DIP2A: variants seen among roughly 807,000 people sequenced by gnomAD.
DIP2A encodes the protein disco-interacting protein 2 homolog A.
Under a neutral mutation model 177.4 loss-of-function variants are expected in DIP2A, and 85 were observed. That is an observed-to-expected ratio of 0.48 (90% CI 0.40 to 0.57). The LOEUF (loss-of-function observed/expected upper bound fraction) is 0.57, where lower values mean the gene tolerates loss of function less well. Among genes scored for constraint, DIP2A ranks in the 20% least tolerant of loss-of-function variants. DIP2A has a pLI of 0.00. For missense variants in DIP2A, 1,791 were observed against 2,100.2 expected (o/e 0.85, Z 2.88); for synonymous variants, 886 against 881.8 (o/e 1.00, Z -0.08).
intron 25 of DIP2A, chr21:46,553,458 G>A (rs984682517): frequency 6.6e-6 from 1 of 152,268 alleles, no homozygotes; most frequent in Non-Finnish European, 1.5e-5. Flanking sequence ...GAGAGGTAGG[G>A]TTACCAGGTA....
rs2054038548 is a variant in DIP2A at position 46,459,136 on chromosome 21, C to G, written c.5C>G (p.Ala2Gly). Residue 2 changes from alanine (A) to glycine (G), a missense_variant, in exon 1 of 38, where the codon GCT (alanine) becomes GGT (glycine). Transcript: ENST00000417564. M[A>G]DRGCPLEAAP... ...CGGACGCTAGCCGGCCTGGCCATGG[C>G]TGACCGCGGGTGCCCGCTGGAGGCG... The G allele has an allele frequency of 6.6e-7, 1 of 1,510,682 alleles. No homozygotes were observed. The highest frequency in any genetic ancestry group is 8.8e-7 in the Non-Finnish European group (1 of 1,130,780). 93.6% of individuals were successfully genotyped at this position (1,510,682 alleles called of 1,614,324 possible). A position where few individuals can be genotyped will look rare whatever the true frequency, so the allele number is the denominator to read the frequency against.
In DIP2A at chr21:46,550,811, G is replaced by A. The variant is rs529096980; in HGVS notation, c.2839+67G>A. ...TGGTAACAGCGGTGCTTGTGGTTAG[G>A]GTGCGGCCCTGCTAGACCTCCAGTG... On this transcript the variant is annotated intron_variant, in intron 23 of 37. Transcript: ENST00000417564. 5.3e-5 allele frequency: 82 copies of A among 1,533,898 alleles called. No homozygotes were observed. The South Asian group carries it at 9.0e-4, about 17-fold the overall frequency.
At chr21:46,477,620 C>G (rs1343534261) in intron 1 of DIP2A, among the ~76,000 whole-genome samples, 1 of 135,266 alleles carries the variant, frequency 7.4e-6, no homozygotes, top group African/African-American at 2.8e-5. Context: ...GTCGCCCAGG[C>G]TGGAGTACAG....
chr21:46,460,000 A>C (rs1021639293), intron 1 of DIP2A, among the ~76,000 whole-genome samples: 1 of 151,958 alleles, frequency 6.6e-6, no homozygotes, highest in African/African-American at 2.4e-5. Context: ...GCAGGCAGCT[A>C]CTTCCCTTGG....
chr21:46,500,728 G>A (rs1372569071), intron 5 of DIP2A, among the ~76,000 whole-genome samples: 1 of 152,208 alleles, frequency 6.6e-6, no homozygotes, highest in African/African-American at 2.4e-5. Flanking sequence ...TAACCGTACA[G>A]CCCTCAACTT....
In DIP2A at chr21:46,507,145, G is replaced by T. The variant is rs141034375; in HGVS notation, c.785-2112G>T. 2.3e-4 allele frequency among the ~76,000 whole-genome samples: 35 copies of T among 152,050 alleles called. No homozygotes were observed. In the East Asian group the frequency reaches 6.6e-3, roughly 29 times the overall value. ...CTAGATACAAGTCATCCCATATGAGGTTTATCATTTGTATTTTCTCCCAGT... is the reference window on the plus strand; with the variant it reads ...CTAGATACAAGTCATCCCATATGAGTTTTATCATTTGTATTTTCTCCCAGT... On this transcript the variant is annotated intron_variant, in intron 6 of 37. Transcript: ENST00000417564.
chr21:46,466,486 T>C (rs1168765361), intron 1 of DIP2A, among the ~76,000 whole-genome samples: 2 of 151,806 alleles, frequency 1.3e-5, no homozygotes, highest in African/African-American at 4.8e-5. Flanking sequence ...GTAGCTGGGA[T>C]TACAGGTGCC....
chr21:46,493,726 G>A (rs1342711564), intron 3 of DIP2A, among the ~76,000 whole-genome samples: 7 of 152,094 alleles, frequency 4.6e-5, no homozygotes, highest in African/African-American at 1.7e-4. Flanking sequence ...GTCTAGGTGT[G>A]AATTCTTCAC....
At chr21:46,527,233 G>A (rs1002469228) in intron 8 of DIP2A, among the ~76,000 whole-genome samples, 4 of 151,454 alleles carry the variant, frequency 2.6e-5, no homozygotes, top group Admixed American at 6.6e-5. Flanking sequence ...TTTTTATGTA[G>A]CTGGATTCAG....
chr21:46,471,424 T>G (rs951502076), intron 1 of DIP2A, among the ~76,000 whole-genome samples: 3 of 152,192 alleles, frequency 2.0e-5, no homozygotes, highest in African/African-American at 7.2e-5. Context: ...CCCTTATACG[T>G]GTACAGCCTC....
intron 10 of DIP2A, among the ~76,000 whole-genome samples, chr21:46,532,798 A>G (rs1397891589): frequency 6.6e-6 from 1 of 152,174 alleles, no homozygotes; most frequent in Non-Finnish European, 1.5e-5. Flanking sequence ...TATCTGTAAC[A>G]TTTTTGATAT....
intron 9 of DIP2A, among the ~76,000 whole-genome samples, chr21:46,530,697 GT>G: frequency 1.3e-5 from 2 of 152,160 alleles, no homozygotes; most frequent in Non-Finnish European, 2.9e-5. Context: ...AATGAAAATA[GT>G]AATTCAGGAC....
intron 8 of DIP2A, among the ~76,000 whole-genome samples, chr21:46,528,527 C>CT (rs1162872343): frequency 2.0e-4 from 6 of 29,402 alleles, no homozygotes; most frequent in Non-Finnish European, 3.3e-4. Context: ...TTTCTGCTTG[C>CT]TTTTTTTTTT....
chr21:46,533,427 A>G (rs1397406374), intron 10 of DIP2A, 97 bp from the exon 11 acceptor site: 5 of 1,406,310 alleles, frequency 3.6e-6, no homozygotes, highest in Admixed American at 2.9e-5. Flanking sequence ...GGGATGAAAA[A>G]AAGATCTGTT....
At position 46,495,089 on chromosome 21, in the gene DIP2A, C is replaced by G. The variant is rs138651558; in HGVS notation, c.284-1899C>G. ...CCACATTTGTTTGTAGTGACATAAT[C>G]TATTCAGATTCAGAACTGCAGGGTC... On this transcript the variant is annotated intron_variant, in intron 3 of 37. Coordinates refer to ENST00000417564, the MANE Select transcript of DIP2A (RefSeq NM_015151.4). Among the ~76,000 whole-genome samples, 45 of 152,264 alleles carry G rather than the reference C, an allele frequency of 3.0e-4. 1 individual carries two copies. In the East Asian group the frequency reaches 8.5e-3, roughly 29 times the overall value.
At chr21:46,515,392 C>T (rs2058524852) in intron 8 of DIP2A, among the ~76,000 whole-genome samples, 1 of 152,016 alleles carries the variant, frequency 6.6e-6, no homozygotes, top group Admixed American at 6.6e-5. Flanking sequence ...AATCCTTTTG[C>T]ATGCCTGAGC....
At chr21:46,468,232 C>T (rs56134005) in intron 1 of DIP2A, among the ~76,000 whole-genome samples, 27,952 of 146,230 alleles carry the variant, frequency 0.19, 3,113 homozygotes, top group East Asian at 0.42. Flanking sequence ...TGCCACTGCA[C>T]TCCAGCCTGG....
Position 46,509,254 on chromosome 21 carries a change from C to A in DIP2A, c.785-3C>A. On this transcript the variant is annotated splice_polypyrimidine_tract_variant and splice_region_variant and intron_variant, in intron 6 of 37. Coordinates refer to ENST00000417564, the MANE Select transcript of DIP2A (RefSeq NM_015151.4). ...CAGTGCTCCTCTGTCCTTCCCGTGA[C>A]AGGTGTCCCTGTGAACAGCAGAGTG... 1 of 1,611,478 alleles carries A rather than the reference C, an allele frequency of 6.2e-7. No individual in the cohort carries two copies.
intron 13 of DIP2A, among the ~76,000 whole-genome samples, chr21:46,535,981 G>C (rs1328550928): frequency 1.3e-5 from 2 of 152,166 alleles, no homozygotes; most frequent in Non-Finnish European, 2.9e-5. Flanking sequence ...GGGGTGAACC[G>C]ACCCAAGTAG....
Sources: allele counts gnomAD v4.1 joint callset (sites outside exome capture counted in the v4.1 genomes callset), GRCh38; gene constraint gnomAD v4.1.1; transcripts MANE v1.5; gene names NCBI Gene and HGNC (gene_info 2026-07-23, HGNC 2026-07-21).